STOX2: variants seen among roughly 807,000 people sequenced by gnomAD.
STOX2 encodes the protein storkhead-box protein 2.
In STOX2, 28 loss-of-function variants were observed where a neutral mutation model predicts 60.9. That is an observed-to-expected ratio of 0.46 (90% confidence interval 0.34 to 0.63). The LOEUF (loss-of-function observed/expected upper bound fraction) is 0.63. Ranked by LOEUF, STOX2 falls within the 30% of genes least tolerant of loss-of-function variation. The probability of loss-of-function intolerance (pLI) is 0.01; values close to 1 mark genes in which losing one functional copy is unlikely to be tolerated. For missense variants in STOX2, 1,024 were observed against 1,187.7 expected, an observed-to-expected ratio of 0.86 and a Z score of 2.03; for synonymous variants, 472 against 463.9, an observed-to-expected ratio of 1.02 and a Z score of -0.22.
intron 1 of STOX2, among the ~76,000 whole-genome samples, chr4:183,970,182 G>GTGT (rs1560911416): frequency 2.2e-4 from 29 of 134,150 alleles, no homozygotes; most frequent in East Asian, 4.0e-4. Context: ...GTGTGTGTGT[G>GTGT]GGGTTCCAGC....
intron 1 of STOX2, among the ~76,000 whole-genome samples, chr4:183,980,898 A>G (rs1047331761): frequency 3.3e-5 from 5 of 152,096 alleles, no homozygotes; most frequent in East Asian, 1.9e-4. Context: ...CACAGAGAGG[A>G]TAACTCAGTT....
intron 1 of STOX2, among the ~76,000 whole-genome samples, chr4:183,930,080 G>A (rs6844718): frequency 0.24 from 36,706 of 151,486 alleles, 8,201 homozygotes; most frequent in African/African-American, 0.59. Context: ...AGCCAGGATG[G>A]GTCTCGATCT....
intron 1 of STOX2, among the ~76,000 whole-genome samples, chr4:183,927,864 C>T (rs965537710): frequency 6.6e-6 from 1 of 152,142 alleles, no homozygotes; most frequent in African/African-American, 2.4e-5. Flanking sequence ...CCCTGTTTCT[C>T]CACTTGCAGG....
intron 1 of STOX2, among the ~76,000 whole-genome samples, chr4:183,839,234 T>G (rs1739789765): frequency 6.6e-6 from 1 of 152,132 alleles, no homozygotes; most frequent in Admixed American, 6.5e-5. Context: ...GTAATTTGCT[T>G]TATTCACAGT....
intron 1 of STOX2, among the ~76,000 whole-genome samples, chr4:183,840,764 T>C (rs1349717828): frequency 6.6e-6 from 1 of 152,224 alleles, no homozygotes; most frequent in Non-Finnish European, 1.5e-5. Flanking sequence ...TGAGACTTGG[T>C]CTTAATCTTT....
chr4:183,972,414 T>C (rs1208350808), intron 1 of STOX2, among the ~76,000 whole-genome samples: 4 of 152,180 alleles, frequency 2.6e-5, no homozygotes, highest in African/African-American at 7.2e-5. Flanking sequence ...AAGAGAGCTA[T>C]TGCATAAAAT....
chr4:183,880,701 T>C (rs1224100505), intron 1 of STOX2, among the ~76,000 whole-genome samples: 1 of 152,230 alleles, frequency 6.6e-6, no homozygotes, highest in Non-Finnish European at 1.5e-5. Flanking sequence ...CAGCAAAGTT[T>C]GTGAAAGAGA....
At chr4:183,841,647 C>T (rs1033576200) in intron 1 of STOX2, among the ~76,000 whole-genome samples, 5 of 152,134 alleles carry the variant, frequency 3.3e-5, no homozygotes, top group Non-Finnish European at 7.4e-5. Context: ...ACATTTAAAA[C>T]AACTTTTTAG....
At chr4:183,803,127 C>T (rs1738805565) in intron 1 of STOX2, among the ~76,000 whole-genome samples, 1 of 152,156 alleles carries the variant, frequency 6.6e-6, no homozygotes, top group South Asian at 2.1e-4. Context: ...TTTTTTAAAA[C>T]CATCAGATCT....
At chr4:184,002,423 G>A (rs1283809024) in intron 2 of STOX2, among the ~76,000 whole-genome samples, 1 of 152,198 alleles carries the variant, frequency 6.6e-6, no homozygotes, top group East Asian at 1.9e-4. Context: ...GTTAGCTTTT[G>A]CTACAAAAAT....
At chr4:183,890,352 T>G (rs2309930) in intron 1 of STOX2, among the ~76,000 whole-genome samples, 3 of 151,696 alleles carry the variant, frequency 2.0e-5, no homozygotes, top group Non-Finnish European at 4.4e-5. Context: ...GTGTGGCAGC[T>G]TGCACCTGTA....
chr4:183,863,454 A>G (rs1266484900), intron 1 of STOX2, among the ~76,000 whole-genome samples: 1 of 152,270 alleles, frequency 6.6e-6, no homozygotes, highest in African/African-American at 2.4e-5. Flanking sequence ...TGAAAGGATT[A>G]GAAACAACAT....
chr4:183,907,863 G>A (rs1038582782), intron 1 of STOX2, among the ~76,000 whole-genome samples: 1 of 152,106 alleles, frequency 6.6e-6, no homozygotes, highest in Non-Finnish European at 1.5e-5. Context: ...GTAAGGCATC[G>A]GTTCTTATTT....
rs982145496 is a variant in STOX2 at position 183,825,783 on chromosome 4, C to G, written c.364+27728C>G. Among the ~76,000 whole-genome samples, 1 of 152,080 alleles carries G rather than the reference C, an allele frequency of 6.6e-6. No homozygotes were observed. The highest frequency in any genetic ancestry group is 1.9e-4 in the East Asian group (1 of 5,186). The stretch of plus-strand genomic sequence containing the variant: ...GGGGAGGGGTTCAGATTTAATGCTT[C>G]GAGCAGTGGAAAGCTGCTCTGGGCT... On this transcript the variant is annotated intron_variant, in intron 1 of 2. Transcript: ENST00000513034. This position sits in a 1 kb window ranked among gnomAD's most constrained non-coding sequence, Gnocchi z 4.1.
At chr4:183,939,130 G>A (rs190416095) in intron 1 of STOX2, among the ~76,000 whole-genome samples, 1 of 152,270 alleles carries the variant, frequency 6.6e-6, no homozygotes, top group Admixed American at 6.5e-5. Context: ...TAATCATTTG[G>A]TGACTTGGAA....
intron 1 of STOX2, among the ~76,000 whole-genome samples, chr4:183,972,549 T>G (rs1233823187): frequency 6.6e-6 from 1 of 152,172 alleles, no homozygotes; most frequent in Admixed American, 6.5e-5. Context: ...GACCACTGCA[T>G]GGTATACATG....
chr4:183,949,359 A>C (rs1429685509), intron 1 of STOX2, among the ~76,000 whole-genome samples: 1 of 152,216 alleles, frequency 6.6e-6, no homozygotes, highest in Non-Finnish European at 1.5e-5. Flanking sequence ...TGATTTTAAG[A>C]AACTGCCCTT....
intron 1 of STOX2, among the ~76,000 whole-genome samples, chr4:183,927,288 G>A (rs1480690312): frequency 1.3e-5 from 2 of 152,232 alleles, no homozygotes; most frequent in African/African-American, 4.8e-5. Flanking sequence ...TGTGTCTCAT[G>A]TGTAAAATGG....
At chr4:183,993,055 G>GCC (rs1187449880) in intron 1 of STOX2, among the ~76,000 whole-genome samples, 1 of 152,220 alleles carries the variant, frequency 6.6e-6, no homozygotes, top group African/African-American at 2.4e-5. Flanking sequence ...GTTCCTATCA[G>GCC]AGACGTCAGG....
Sources: gnomAD v4.1 joint callset for allele counts (sites outside exome capture counted in the v4.1 genomes callset) on GRCh38, gnomAD v4.1.1 for gene constraint, Gnocchi (gnomAD v3.1) non-coding constraint, MANE v1.5 for transcripts, NCBI Gene and HGNC (gene_info 2026-07-23, HGNC 2026-07-21) for gene names.